ASIC2: variants seen among roughly 807,000 people sequenced by gnomAD.
ASIC2 encodes acid-sensing ion channel 2.
In ASIC2, 25 loss-of-function variants were observed where a neutral mutation model predicts 57.3. That is an observed-to-expected ratio of 0.44 (90% CI 0.32 to 0.61). The LOEUF is 0.61. Among genes scored for constraint, ASIC2 ranks in the 20% least tolerant of loss-of-function variants. ASIC2 has a pLI of 0.06. For synonymous variants in ASIC2, 319 were observed against 307.5 expected, an observed-to-expected ratio of 1.04 and a Z score of -0.39; for missense variants, 641 against 738.1, an observed-to-expected ratio of 0.87 and a Z score of 1.52.
At chr17:34,155,868 G>T in intron 1 of ASIC2, 1 of 1,287,066 alleles carries the variant, frequency 7.8e-7, no homozygotes, top group Non-Finnish European at 1.1e-6. Context: ...GTGAGGCACT[G>T]CTCTCTCTCC....
chr17:34,143,223 CCA>C lies in ASIC2; in HGVS notation c.555+12753_555+12754del, dbSNP rs553966559. Among the ~76,000 whole-genome samples, 158 of 152,346 alleles carry C rather than the reference CCA, an allele frequency of 1.0e-3. 1 individual carries two copies. Among genetic ancestry groups the C allele is most frequent in the African/African-American group, 3.6e-3 (150 of 41,582 alleles). On this transcript the variant is annotated intron_variant, in intron 1 of 9. Coordinates refer to the ASIC2 transcript ENST00000359872. The stretch of plus-strand genomic sequence containing the variant: ...GCATGAACTCTAATCCCTAATGGTG[CCA>C]CTTTCTTACTGAGTGACGTTGTGCC...
intron 1 of ASIC2, among the ~76,000 whole-genome samples, chr17:33,733,087 AT>A (rs1235585669): frequency 6.6e-6 from 1 of 151,960 alleles, no homozygotes; most frequent in Non-Finnish European, 1.5e-5. Context: ...GAGGTTATTT[AT>A]TTTTTTAAAA....
intron 1 of ASIC2, among the ~76,000 whole-genome samples, chr17:34,033,719 G>A (rs1306086672): frequency 6.6e-6 from 1 of 152,186 alleles, no homozygotes; most frequent in Non-Finnish European, 1.5e-5. Flanking sequence ...ACTACCATCA[G>A]AGAATACTAC....
chr17:33,970,206 C>T (rs1905189368), intron 1 of ASIC2, among the ~76,000 whole-genome samples: 1 of 152,174 alleles, frequency 6.6e-6, no homozygotes, highest in African/African-American at 2.4e-5. Context: ...TTCATTATGA[C>T]AACAAAACTT....
chr17:33,752,388 A>G (rs539342333), intron 1 of ASIC2, among the ~76,000 whole-genome samples: 1 of 151,890 alleles, frequency 6.6e-6, no homozygotes, highest in African/African-American at 2.4e-5. Context: ...AGCAAAAAAA[A>G]GTCAAAAGGT....
In ASIC2 at chr17:34,050,350, T is replaced by A. The variant is rs577899384; in HGVS notation, c.555+105628A>T. On this transcript the variant is annotated intron_variant, in intron 1 of 9. Transcript: ENST00000359872. ...GCTACTGCAGTGGAAATGCCAGGTC[T>A]GTTATATGCAGATACATTGAGGTGG... Among the ~76,000 whole-genome samples, 61 of 152,232 alleles carry A rather than the reference T, an allele frequency of 4.0e-4. 1 individual carries two copies. The South Asian group carries it at 0.013, about 32-fold the overall frequency.
chr17:33,712,769 C>T (rs1339024007), intron 1 of ASIC2, among the ~76,000 whole-genome samples: 1 of 149,700 alleles, frequency 6.7e-6, no homozygotes, highest in East Asian at 2.0e-4. Context: ...CCTCAGCCTC[C>T]CAAGTAGCTG....
chr17:34,079,913 C>T (rs1410288312), intron 1 of ASIC2, among the ~76,000 whole-genome samples: 1 of 152,158 alleles, frequency 6.6e-6, no homozygotes, highest in East Asian at 1.9e-4. Context: ...CTCCATGCAA[C>T]ACTAAAAAGC....
intron 1 of ASIC2, among the ~76,000 whole-genome samples, chr17:33,849,046 T>A (rs1291712090): frequency 2.0e-5 from 3 of 152,210 alleles, no homozygotes; most frequent in Non-Finnish European, 4.4e-5. Context: ...TTCAGAAAAT[T>A]GGCCTAATTT....
chr17:33,566,947 T>A (rs1916252915), intron 1 of ASIC2, among the ~76,000 whole-genome samples: 1 of 152,176 alleles, frequency 6.6e-6, no homozygotes, highest in Admixed American at 6.5e-5. Context: ...GGAATGCCCT[T>A]GCTCTTTTTC....
chr17:33,355,405 G>A (rs1908337309), intron 1 of ASIC2, among the ~76,000 whole-genome samples: 1 of 149,652 alleles, frequency 6.7e-6, no homozygotes, highest in Non-Finnish European at 1.5e-5. Flanking sequence ...AAGCAGTCTG[G>A]GGGTCAAAGC....
intron 2 of ASIC2, among the ~76,000 whole-genome samples, chr17:33,089,945 A>G (rs1382092172): frequency 6.6e-6 from 1 of 152,182 alleles, no homozygotes; most frequent in African/African-American, 2.4e-5. Flanking sequence ...ATAAGCCTTT[A>G]CCAGATCCCC....
chr17:33,870,224 G>GTTTTT (rs869267956), intron 1 of ASIC2, among the ~76,000 whole-genome samples: 20 of 50,116 alleles, frequency 4.0e-4, no homozygotes, highest in East Asian at 1.6e-3. Context: ...GAGAAATTCT[G>GTTTTT]TTTTTTTTTT....
chr17:33,278,819 A>G (rs1904821143), intron 1 of ASIC2, among the ~76,000 whole-genome samples: 1 of 152,108 alleles, frequency 6.6e-6, no homozygotes, highest in African/African-American at 2.4e-5. Context: ...CAGACAGGGA[A>G]CTTGTCACTT....
chr17:33,847,702 T>C (rs760740965), intron 1 of ASIC2, among the ~76,000 whole-genome samples: 3 of 152,184 alleles, frequency 2.0e-5, no homozygotes, highest in East Asian at 1.9e-4. Context: ...AATGAGAGCA[T>C]GCCTGTTATC....
intron 1 of ASIC2, among the ~76,000 whole-genome samples, chr17:33,718,431 C>T (rs1345631724): frequency 1.3e-5 from 2 of 151,366 alleles, no homozygotes; most frequent in African/African-American, 2.4e-5. Flanking sequence ...TCAAGAGAGG[C>T]GATGGCTCTC....
intron 1 of ASIC2, among the ~76,000 whole-genome samples, chr17:34,076,095 C>T (rs765314689): frequency 7.3e-4 from 111 of 152,100 alleles, no homozygotes; most frequent in Middle Eastern, 3.4e-3. Flanking sequence ...CTCCGCCTCC[C>T]GGGTTCATGT....
intron 1 of ASIC2, among the ~76,000 whole-genome samples, chr17:33,596,559 GC>G (rs1179184808): frequency 3.3e-5 from 5 of 152,048 alleles, no homozygotes; most frequent in African/African-American, 1.2e-4. Flanking sequence ...AAGTATCAGC[GC>G]CCCCGGCCTT....
At chr17:33,578,770 G>A (rs1216092151) in intron 1 of ASIC2, among the ~76,000 whole-genome samples, 1 of 145,232 alleles carries the variant, frequency 6.9e-6, no homozygotes, top group African/African-American at 2.7e-5. Flanking sequence ...CCTGGAAGGT[G>A]CTGATTTCGC....
Sources: gnomAD v4.1 joint callset for allele counts (sites outside exome capture counted in the v4.1 genomes callset) on GRCh38, gnomAD v4.1.1 for gene constraint, MANE v1.5 for transcripts, NCBI Gene and HGNC (gene_info 2026-07-23, HGNC 2026-07-21) for gene names.